MRPS25: variants seen among roughly 807,000 people sequenced by gnomAD.
MRPS25 encodes the protein small ribosomal subunit protein mS25.
In MRPS25, 15 loss-of-function variants were observed where a neutral mutation model predicts 17.3. The observed-to-expected ratio is 0.87, with a 90% confidence interval of 0.58 to 1.34. The LOEUF is 1.34. MRPS25 is among the 40% of genes most tolerant of loss of function. The pLI is 0.00. For synonymous variants in MRPS25, 94 were observed against 83.3 expected, an observed-to-expected ratio of 1.13 and a Z score of -0.70; for missense variants, 225 against 218.6, an observed-to-expected ratio of 1.03 and a Z score of -0.19.
downstream of MRPS25, chr3:15,044,389 A>C (rs1036479773): frequency 6.6e-6 from 1 of 152,130 alleles, no homozygotes; most frequent in Non-Finnish European, 1.5e-5. Context: ...AACAACCCTC[A>C]ATTTCCAGGG....
downstream of MRPS25, chr3:15,045,870 AG>A (rs144082511): frequency 1.5e-3 from 227 of 152,398 alleles, 1 homozygote; most frequent in African/African-American, 5.0e-3. Context: ...CTCAATGAGG[AG>A]AGGCAGCTGG....
chr3:15,059,713 A>G (rs2042723748), intron 1 of MRPS25, among the ~76,000 whole-genome samples: 1 of 152,142 alleles, frequency 6.6e-6, no homozygotes, highest in African/African-American at 2.4e-5. Flanking sequence ...AAGCTAACCT[A>G]ACACCAATGC....
chr3:15,062,108 G>A (rs1331034562), intron 1 of MRPS25, among the ~76,000 whole-genome samples: 5 of 138,858 alleles, frequency 3.6e-5, no homozygotes, highest in African/African-American at 5.5e-5. Flanking sequence ...TCAGCCGCCC[G>A]GCCAGCCGCC....
chr3:15,053,255 T>G (rs1231676533), intron 3 of MRPS25, 125 bp downstream of exon 3: 97 of 1,523,130 alleles, frequency 6.4e-5, no homozygotes, highest in Non-Finnish European at 8.4e-5. Flanking sequence ...CCCCAGCTCT[T>G]ATTAGTGTCT....
At chr3:15,043,026 C>T (rs759363555), downstream of MRPS25, 6 of 1,608,534 alleles carry the variant, frequency 3.7e-6, no homozygotes, top group South Asian at 6.6e-5. Context: ...CACACACCTG[C>T]CAAGGAGCAA....
intron 1 of MRPS25, among the ~76,000 whole-genome samples, chr3:15,063,666 C>T (rs1361582003): frequency 6.6e-6 from 1 of 152,170 alleles, no homozygotes; most frequent in African/African-American, 2.4e-5. Context: ...GGCTCACAGG[C>T]TTATTTTGAT....
At chr3:15,053,563 A>T (rs1330301761) in intron 2 of MRPS25, 96 bp from the exon 3 acceptor site, 28 of 1,272,988 alleles carry the variant, frequency 2.2e-5, no homozygotes, top group Non-Finnish European at 3.1e-5. Flanking sequence ...AGTGGCAGAA[A>T]CATTTTAATA....
Position 15,051,857 on chromosome 3 carries a change from C to A in MRPS25, c.*584G>T. ...GCTGGCCTGTCAGCCACTGGGGCTCCTCCATCTCTGGCCCATGGCTAGGCC... is the reference window on the plus strand; with the variant it reads ...GCTGGCCTGTCAGCCACTGGGGCTCATCCATCTCTGGCCCATGGCTAGGCC... On this transcript the variant is annotated 3_prime_UTR_variant, in exon 4 of 4. Coordinates refer to ENST00000253686, the MANE Select transcript of MRPS25 (RefSeq NM_022497.5). 1 of 985,360 alleles carries A rather than the reference C, an allele frequency of 1.0e-6. No individual in the cohort carries two copies. The highest frequency in any genetic ancestry group is 1.2e-6 in the Non-Finnish European group (1 of 829,962). 61.0% of individuals were successfully genotyped at this position (985,360 alleles called of 1,614,324 possible).
At chr3:15,045,640 T>C (rs1309553635), downstream of MRPS25, 2 of 152,678 alleles carry the variant, frequency 1.3e-5, no homozygotes, top group Non-Finnish European at 2.9e-5. Context: ...GCAGGTCCAT[T>C]TCATCTCCTG....
chr3:15,050,021 A>G lies in MRPS25; in HGVS notation c.*2420T>C. ...AAATTAAGAACATGTTATCAATTAT[A>G]AAATCCTCACATTTTCTCTAATTAA... On this transcript the variant is annotated 3_prime_UTR_variant, in exon 4 of 4. Coordinates refer to ENST00000253686, the MANE Select transcript of MRPS25 (RefSeq NM_022497.5). The G allele has an allele frequency of 6.8e-7, 1 of 1,464,572 alleles. No individual in the cohort carries two copies. Among genetic ancestry groups the G allele is most frequent in the South Asian group, 1.4e-5 (1 of 69,984 alleles). The allele number at this position is 1,464,572 out of a possible 1,614,324, so 90.7% of individuals were successfully genotyped here.
intron 1 of MRPS25, among the ~76,000 whole-genome samples, chr3:15,063,786 T>G (rs944726320): frequency 2.6e-4 from 40 of 152,236 alleles, no homozygotes; most frequent in African/African-American, 9.6e-4. Context: ...AAGGGCCCTC[T>G]GGATAGGGCA....
At position 15,065,257 on chromosome 3, in the gene MRPS25, A is replaced by T; in HGVS notation, c.-63T>A. The T allele has an allele frequency of 4.7e-6, 7 of 1,488,692 alleles. No homozygotes were observed. The highest frequency in any genetic ancestry group is 3.6e-6 in the Non-Finnish European group (4 of 1,117,710). 92.2% of individuals were successfully genotyped at this position (1,488,692 alleles called of 1,614,324 possible). On this transcript the variant is annotated 5_prime_UTR_variant, in exon 1 of 4. Transcript: ENST00000253686. ...AGCCGAGCAGCGACGAGAAAGGACTAGCTAGCACCCGCGCGGATCTCACGC... is the reference window on the plus strand; with the variant it reads ...AGCCGAGCAGCGACGAGAAAGGACTTGCTAGCACCCGCGCGGATCTCACGC...
In MRPS25 at chr3:15,049,908, A is replaced by G. The variant is rs1373208638; in HGVS notation, c.*2533T>C. On this transcript the variant is annotated 3_prime_UTR_variant, in exon 4 of 4. Coordinates refer to ENST00000253686, the MANE Select transcript of MRPS25 (RefSeq NM_022497.5). ...TAACTGGGACCACAGCAGATGATAC[A>G]GGTTTAGATGGTGCTGCCAGGTAGT... The G allele has an allele frequency of 7.2e-6, 11 of 1,531,796 alleles. No homozygotes were observed. The East Asian group carries it at 2.2e-4, about 31-fold the overall frequency. The allele number at this position is 1,531,796 out of a possible 1,614,324, so 94.9% of individuals were successfully genotyped here.
At position 15,051,969 on chromosome 3, in the gene MRPS25, A is replaced by C. The variant is rs1025353593; in HGVS notation, c.*472T>G. 2.0e-6 allele frequency: 2 copies of C among 986,674 alleles called. No individual in the cohort carries two copies. Among genetic ancestry groups the C allele is most frequent in the Non-Finnish European group, 2.4e-6 (2 of 830,926 alleles). The allele number at this position is 986,674 out of a possible 1,614,324, so 61.1% of individuals were successfully genotyped here. ...TTTGGATTTCTGAAAAATACCCCCA[A>C]GGAACTGAACGGAGGGGTGTACACA... On this transcript the variant is annotated 3_prime_UTR_variant, in exon 4 of 4. Coordinates refer to ENST00000253686, the MANE Select transcript of MRPS25 (RefSeq NM_022497.5).
chr3:15,056,650 A>G (rs1020116294), intron 2 of MRPS25, among the ~76,000 whole-genome samples: 1 of 152,224 alleles, frequency 6.6e-6, no homozygotes, highest in Admixed American at 6.5e-5. Context: ...GACAGGCCCT[A>G]GAGTCTAGGA....
chr3:15,047,552 G>C (rs113435941), downstream of MRPS25: 1 of 152,198 alleles, frequency 6.6e-6, no homozygotes, highest in South Asian at 2.1e-4. Context: ...CAGGCGTCAC[G>C]GTCAGAGATT....
intron 2 of MRPS25, among the ~76,000 whole-genome samples, chr3:15,058,901 G>A (rs1053443049): frequency 7.9e-5 from 12 of 151,840 alleles, no homozygotes; most frequent in Non-Finnish European, 1.5e-4. Flanking sequence ...GTAAGTGCAC[G>A]CAGTCCTCAG....
chr3:15,059,533 C>A, intron 1 of MRPS25, 58 bp from the exon 2 acceptor site: 1 of 1,157,900 alleles, frequency 8.6e-7, no homozygotes. Flanking sequence ...AAATTTTATG[C>A]GTGGGTATTT....
In MRPS25 at chr3:15,059,039, A is replaced by C. The variant is rs369572449; in HGVS notation, c.241+330T>G. 5.1e-5 allele frequency among the ~76,000 whole-genome samples: 7 copies of C among 137,754 alleles called. 1 individual carries two copies. In the South Asian group the frequency reaches 1.4e-3, roughly 27 times the overall value. 90.4% of individuals were successfully genotyped at this position (137,754 alleles called of 152,430 possible). ...GAAGAATTTTTTTTTTTTTTTTTTC[A>C]GTTAAATAAGCAAACGCAGGTAGAA... On this transcript the variant is annotated intron_variant, in intron 2 of 3. Transcript: ENST00000253686.
Sources: allele counts gnomAD v4.1 joint callset (sites outside exome capture counted in the v4.1 genomes callset), GRCh38; gene constraint gnomAD v4.1.1; transcripts MANE v1.5; gene names NCBI Gene and HGNC (gene_info 2026-07-23, HGNC 2026-07-21).